Variants in HMGN3 observed in about 807,000 individuals in gnomAD.
HMGN3 encodes the protein high mobility group nucleosomal binding domain 3.
Under a neutral mutation model 18.8 loss-of-function variants are expected in HMGN3, and 6 were observed. That is an observed-to-expected ratio of 0.32 (90% CI 0.18 to 0.63). The LOEUF is 0.63. Ranked by LOEUF, HMGN3 falls within the 30% of genes least tolerant of loss-of-function variation. HMGN3 has a pLI of 0.79. For missense variants in HMGN3, 107 were observed against 114.2 expected (o/e 0.94, Z 0.29); for synonymous variants, 40 against 36.5 (o/e 1.10, Z -0.35).
chr6:79,212,455 C>G (rs568154242), intron 2 of HMGN3, among the ~76,000 whole-genome samples: 1 of 152,296 alleles, frequency 6.6e-6, no homozygotes, highest in Non-Finnish European at 1.5e-5. Flanking sequence ...TCCATGAAAG[C>G]AGCGATTTTT....
chr6:79,221,044 TTA>T (rs753628600), intron 1 of HMGN3, among the ~76,000 whole-genome samples: 1 of 152,200 alleles, frequency 6.6e-6, no homozygotes, highest in Non-Finnish European at 1.5e-5. Flanking sequence ...TTCTCTGTAT[TTA>T]TGTTTTTTTC....
intron 1 of HMGN3, among the ~76,000 whole-genome samples, chr6:79,216,714 C>T (rs1429028691): frequency 6.6e-6 from 1 of 152,204 alleles, no homozygotes; most frequent in Non-Finnish European, 1.5e-5. Flanking sequence ...GTTAATCAGT[C>T]AGTTGTGGTA....
At chr6:79,209,724 C>T (rs775987986) in intron 2 of HMGN3, among the ~76,000 whole-genome samples, 10 of 152,202 alleles carry the variant, frequency 6.6e-5, no homozygotes, top group Non-Finnish European at 1.5e-4. Context: ...TAAGGTCAGT[C>T]TAGGTCAGCC....
intron 1 of HMGN3, chr6:79,234,212 C>T (rs1413276678): frequency 3.9e-6 from 1 of 258,168 alleles, no homozygotes. Flanking sequence ...CGCAACCTGG[C>T]AGTTTGCAAA....
At chr6:79,204,476 C>T (rs919145802) in intron 3 of HMGN3, among the ~76,000 whole-genome samples, 4 of 152,092 alleles carry the variant, frequency 2.6e-5, no homozygotes, top group Admixed American at 1.3e-4. Flanking sequence ...GTGGCACATG[C>T]GGATAACTGG....
intron 1 of HMGN3, among the ~76,000 whole-genome samples, chr6:79,228,978 C>T (rs1349731094): frequency 6.6e-6 from 1 of 152,158 alleles, no homozygotes; most frequent in African/African-American, 2.4e-5. Context: ...GGTGCGTAGG[C>T]AATTCAGTAG....
intron 1 of HMGN3, among the ~76,000 whole-genome samples, chr6:79,233,097 C>G (rs751384847): frequency 6.6e-6 from 1 of 152,182 alleles, no homozygotes; most frequent in Non-Finnish European, 1.5e-5. Context: ...GAGAATAAGA[C>G]TTTGGCATCT....
At chr6:79,234,387 G>GA (rs1246606700) in intron 1 of HMGN3, 159 bp downstream of exon 1, 3 of 673,976 alleles carry the variant, frequency 4.5e-6, no homozygotes, top group African/African-American at 3.6e-5. Context: ...GACAGAGAGA[G>GA]GAACGTCTGC....
At chr6:79,234,366 T>A in intron 1 of HMGN3, 180 bp downstream of exon 1, 1 of 464,666 alleles carries the variant, frequency 2.2e-6, no homozygotes. Context: ...GAGGACGGAG[T>A]GGGTAGGGGG....
intron 1 of HMGN3, among the ~76,000 whole-genome samples, chr6:79,220,599 A>G (rs888560070): frequency 7.2e-5 from 11 of 152,112 alleles, no homozygotes; most frequent in African/African-American, 2.7e-4. Context: ...GGTGCGTGCC[A>G]CCACACCTGG....
At chr6:79,206,934 T>G (rs1002155398) in intron 3 of HMGN3, among the ~76,000 whole-genome samples, 1 of 152,222 alleles carries the variant, frequency 6.6e-6, no homozygotes, top group Admixed American at 6.5e-5. Context: ...TTTGGAGCTT[T>G]AAGATTTGAC....
At chr6:79,216,396 C>A (rs1196538910) in intron 1 of HMGN3, among the ~76,000 whole-genome samples, 1 of 152,096 alleles carries the variant, frequency 6.6e-6, no homozygotes, top group Non-Finnish European at 1.5e-5. Context: ...AGGCTAAATT[C>A]AAAAACTTAG....
At chr6:79,222,024 G>T (rs545217216) in intron 1 of HMGN3, among the ~76,000 whole-genome samples, 1 of 150,896 alleles carries the variant, frequency 6.6e-6, no homozygotes, top group Non-Finnish European at 1.5e-5. Context: ...ATTGTTTTAC[G>T]ACTTCAGCGA....
At chr6:79,232,515 T>C (rs547183647) in intron 1 of HMGN3, among the ~76,000 whole-genome samples, 101 of 152,206 alleles carry the variant, frequency 6.6e-4, no homozygotes, top group African/African-American at 2.3e-3. Flanking sequence ...TTGCCCCTAG[T>C]CTCAGGACCA....
chr6:79,214,979 T>G, exon 2 of HMGN3: 1 of 1,493,994 alleles, frequency 6.7e-7, no homozygotes. Flanking sequence ...TACCTCCTGT[T>G]TAGTTACTTT....
chr6:79,209,272 T>C (rs1776567998), intron 2 of HMGN3, among the ~76,000 whole-genome samples: 1 of 152,196 alleles, frequency 6.6e-6, no homozygotes, highest in Non-Finnish European at 1.5e-5. Flanking sequence ...TCTTCAAGGA[T>C]ATTACAAGTT....
At chr6:79,203,559 G>A in intron 4 of HMGN3, 21 bp downstream of exon 4, 1 of 1,603,974 alleles carries the variant, frequency 6.2e-7, no homozygotes, top group East Asian at 2.2e-5. Context: ...AAAGCCAAAA[G>A]TGGGAAACAG....
chr6:79,224,228 C>G (rs1338254090), intron 1 of HMGN3, among the ~76,000 whole-genome samples: 1 of 152,152 alleles, frequency 6.6e-6, no homozygotes, highest in Non-Finnish European at 1.5e-5. Flanking sequence ...TTCAGCTCTT[C>G]TAGGCTGGCT....
chr6:79,231,270 A>G (rs1777825927), intron 1 of HMGN3, among the ~76,000 whole-genome samples: 1 of 152,168 alleles, frequency 6.6e-6, no homozygotes, highest in Admixed American at 6.5e-5. Context: ...ACATCAAATC[A>G]TCACATAACA....
Sources: gnomAD v4.1 joint callset for allele counts (sites outside exome capture counted in the v4.1 genomes callset) on GRCh38, gnomAD v4.1.1 for gene constraint, MANE v1.5 for transcripts, NCBI Gene and HGNC (gene_info 2026-07-23, HGNC 2026-07-21) for gene names.